Variants in PELI2 observed in about 807,000 individuals in gnomAD.
PELI2 encodes the protein E3 ubiquitin-protein ligase pellino homolog 2.
Under a neutral mutation model 42.3 loss-of-function variants are expected in PELI2, and 23 were observed. That is an observed-to-expected ratio of 0.54 (90% CI 0.39 to 0.77). PELI2 has a LOEUF of 0.77. Among genes scored for constraint, PELI2 ranks in the 30% least tolerant of loss-of-function variants. The pLI, the probability that PELI2 is intolerant of heterozygous loss-of-function variation, is 0.00. For missense variants in PELI2, 463 were observed against 553.2 expected, an observed-to-expected ratio of 0.84 and a Z score of 1.64; for synonymous variants, 245 against 212.2, an observed-to-expected ratio of 1.15 and a Z score of -1.34.
At chr14:56,223,276 C>T (rs1174277130) in intron 2 of PELI2, among the ~76,000 whole-genome samples, 1 of 152,172 alleles carries the variant, frequency 6.6e-6, no homozygotes, top group African/African-American at 2.4e-5. Flanking sequence ...CTTAATAATG[C>T]TTCTTCTTAA....
intron 2 of PELI2, among the ~76,000 whole-genome samples, chr14:56,214,980 T>C (rs1886850228): frequency 1.3e-5 from 2 of 152,204 alleles, no homozygotes; most frequent in Non-Finnish European, 2.9e-5. Flanking sequence ...TAAATTTTAA[T>C]TTAGATATTA....
At position 56,273,267 on chromosome 14, in the gene PELI2, A is replaced by G. The variant is rs1037258623; in HGVS notation, c.208-6409A>G. On this transcript the variant is annotated intron_variant, in intron 2 of 5. Coordinates refer to ENST00000267460, the MANE Select transcript of PELI2 (RefSeq NM_021255.3). This position sits in a 1 kb window ranked among gnomAD's most constrained non-coding sequence, Gnocchi z 4.3. ...CTTTGGCTTCTTGGAGCCTAGTGGCATGTACGTAGTCAGGCTTCTTGCCCA... is the reference window on the plus strand; with the variant it reads ...CTTTGGCTTCTTGGAGCCTAGTGGCGTGTACGTAGTCAGGCTTCTTGCCCA... 2.6e-5 allele frequency among the ~76,000 whole-genome samples: 4 copies of G among 152,168 alleles called. No individual in the cohort carries two copies. The highest frequency in any genetic ancestry group is 5.9e-5 in the Non-Finnish European group (4 of 68,036).
rs895984167 is a variant in PELI2 at position 56,256,920 on chromosome 14, TCTAA to T, written c.208-22752_208-22749del. Among the ~76,000 whole-genome samples the T allele has an allele frequency of 4.6e-5, 7 of 152,336 alleles. 1 individual carries two copies. The highest frequency in any genetic ancestry group is 1.7e-4 in the African/African-American group (7 of 41,584). On this transcript the variant is annotated intron_variant, in intron 2 of 5. Transcript: ENST00000267460. ...GTGTGCTACTGGAAGTTGCCAGCTG[TCTAA>T]CTAGCTAGGTAGGATACCCTGCCTT...
At position 56,273,509 on chromosome 14, in the gene PELI2, A is replaced by G. The variant is rs1006840296; in HGVS notation, c.208-6167A>G. Among the ~76,000 whole-genome samples the G allele has an allele frequency of 2.0e-5, 3 of 152,258 alleles. No homozygotes were observed. The highest frequency in any genetic ancestry group is 4.4e-5 in the Non-Finnish European group (3 of 68,046). ...AGCTGATTATAAAATTCCTTTGAGG[A>G]ATAAATCAGTTTTGTAGCTACTGGC... On this transcript the variant is annotated intron_variant, in intron 2 of 5. Transcript: ENST00000267460. This position sits in a 1 kb window ranked among gnomAD's most constrained non-coding sequence, Gnocchi z 4.3.
intron 2 of PELI2, among the ~76,000 whole-genome samples, chr14:56,246,031 C>T (rs994790992): frequency 3.3e-5 from 5 of 152,138 alleles, no homozygotes; most frequent in African/African-American, 9.7e-5. Flanking sequence ...ATAGACTTTT[C>T]GAACTGCAGA....
chr14:56,210,211 G>C (rs574323784), intron 2 of PELI2, among the ~76,000 whole-genome samples: 1 of 152,074 alleles, frequency 6.6e-6, no homozygotes, highest in South Asian at 2.1e-4. Context: ...GTTGATGAGA[G>C]GGGTGCGGAG....
chr14:56,197,958 T>A lies in PELI2; in HGVS notation c.207+19494T>A. On this transcript the variant is annotated intron_variant, in intron 2 of 5. Transcript: ENST00000267460. This position sits in a 1 kb window ranked among gnomAD's most constrained non-coding sequence, Gnocchi z 4.9. Reference sequence around the variant, plus strand: ...ACACACACACACACACCAGGGATCATGACTGGTGAAGACACACACACACAC... The same window carrying A: ...ACACACACACACACACCAGGGATCAAGACTGGTGAAGACACACACACACAC... Among the ~76,000 whole-genome samples, 1 of 128,880 alleles carries A rather than the reference T, an allele frequency of 7.8e-6. No homozygotes were observed. Among genetic ancestry groups the A allele is most frequent in the African/African-American group, 3.2e-5 (1 of 31,070 alleles). 84.6% of individuals were successfully genotyped at this position (128,880 alleles called of 152,430 possible). A position where few individuals can be genotyped will look rare whatever the true frequency, so the allele number is the denominator to read the frequency against.
chr14:56,200,813 A>T (rs1886308718), intron 2 of PELI2, among the ~76,000 whole-genome samples: 1 of 152,194 alleles, frequency 6.6e-6, no homozygotes, highest in African/African-American at 2.4e-5. Flanking sequence ...CATTTTCATT[A>T]GTTGTCTTAC....
chr14:56,251,938 G>A (rs1310629565), intron 2 of PELI2, among the ~76,000 whole-genome samples: 19 of 152,124 alleles, frequency 1.2e-4, no homozygotes, highest in Non-Finnish European at 2.5e-4. Flanking sequence ...CGTATACACC[G>A]TAATTCTTTT....
intron 2 of PELI2, among the ~76,000 whole-genome samples, chr14:56,245,097 A>G (rs1470192840): frequency 6.6e-6 from 1 of 152,186 alleles, no homozygotes; most frequent in Middle Eastern, 3.2e-3. Context: ...GAAACATTGC[A>G]TCTCCCAGAC....
intron 2 of PELI2, among the ~76,000 whole-genome samples, chr14:56,279,252 C>A (rs1889396865): frequency 6.6e-6 from 1 of 152,046 alleles, no homozygotes; most frequent in Admixed American, 6.6e-5. Flanking sequence ...TTTTATGATG[C>A]TGATAATCTC....
chr14:56,246,578 T>C (rs186898648), intron 2 of PELI2, among the ~76,000 whole-genome samples: 1 of 152,316 alleles, frequency 6.6e-6, no homozygotes, highest in East Asian at 1.9e-4. Flanking sequence ...AGTGATTTTT[T>C]TGTGTTGTTT....
At chr14:56,206,616 C>T (rs1190786087) in intron 2 of PELI2, among the ~76,000 whole-genome samples, 1 of 152,156 alleles carries the variant, frequency 6.6e-6, no homozygotes, top group African/African-American at 2.4e-5. Flanking sequence ...AGTGGTTTCC[C>T]TTCAGATGTT....
chr14:56,139,597 T>G (rs1883827116), intron 1 of PELI2, among the ~76,000 whole-genome samples: 1 of 152,194 alleles, frequency 6.6e-6, no homozygotes, highest in South Asian at 2.1e-4. Flanking sequence ...GTTAAGTACC[T>G]GAAGGTCTTT....
intron 5 of PELI2, among the ~76,000 whole-genome samples, chr14:56,293,966 T>G (rs538441209): frequency 6.6e-6 from 1 of 152,132 alleles, no homozygotes; most frequent in Non-Finnish European, 1.5e-5. Context: ...AGGCCTCCTC[T>G]GAGAATTGCC....
intron 1 of PELI2, among the ~76,000 whole-genome samples, chr14:56,152,862 T>C (rs1030952995): frequency 6.6e-6 from 1 of 152,194 alleles, no homozygotes; most frequent in African/African-American, 2.4e-5. Flanking sequence ...TTAGAAAATA[T>C]GGATTAGTGG....
At chr14:56,283,245 C>A (rs556886991) in intron 3 of PELI2, among the ~76,000 whole-genome samples, 1 of 152,308 alleles carries the variant, frequency 6.6e-6, no homozygotes, top group Non-Finnish European at 1.5e-5. Flanking sequence ...TTTCAGCTTC[C>A]CGTTACTAAC....
intron 1 of PELI2, among the ~76,000 whole-genome samples, chr14:56,168,261 G>A (rs990370400): frequency 1.6e-5 from 2 of 121,676 alleles, no homozygotes; most frequent in Admixed American, 8.7e-5. Context: ...TCTGAGCAGC[G>A]TGCCCCCCCC....
At chr14:56,132,757 C>T (rs968510861) in intron 1 of PELI2, among the ~76,000 whole-genome samples, 3 of 152,182 alleles carry the variant, frequency 2.0e-5, no homozygotes, top group African/African-American at 2.4e-5. Context: ...TACTTGAACA[C>T]TCACCATGTT....
Sources: allele counts gnomAD v4.1 joint callset (sites outside exome capture counted in the v4.1 genomes callset), GRCh38; gene constraint gnomAD v4.1.1; non-coding constraint Gnocchi (gnomAD v3.1); transcripts MANE v1.5; gene names NCBI Gene and HGNC (gene_info 2026-07-23, HGNC 2026-07-21).